PRKG1: variants seen among roughly 807,000 people sequenced by gnomAD.
PRKG1 encodes the protein protein kinase cGMP-dependent 1.
In PRKG1, 35 loss-of-function variants were observed where a neutral mutation model predicts 88.1. The observed-to-expected ratio is 0.40, with a 90% confidence interval of 0.30 to 0.53. The LOEUF is 0.53. Among genes scored for constraint, PRKG1 ranks in the 20% least tolerant of loss-of-function variants. The pLI is 0.59. For synonymous variants in PRKG1, 303 were observed against 292.5 expected, an observed-to-expected ratio of 1.04 and a Z score of -0.37; for missense variants, 540 against 839.8, an observed-to-expected ratio of 0.64 and a Z score of 4.41.
At chr10:51,183,665 T>C (rs1174421281) in intron 2 of PRKG1, among the ~76,000 whole-genome samples, 5 of 152,202 alleles carry the variant, frequency 3.3e-5, no homozygotes, top group African/African-American at 1.2e-4. Flanking sequence ...TGACATTCCA[T>C]TGCATTTCCA....
chr10:51,349,508 C>T (rs572108830), intron 2 of PRKG1, among the ~76,000 whole-genome samples: 1 of 139,852 alleles, frequency 7.2e-6, no homozygotes, highest in Non-Finnish European at 1.6e-5. Context: ...GTGTATGTGT[C>T]CTTTTTTTTT....
At chr10:51,685,679 A>G (rs1483519819) in intron 3 of PRKG1, among the ~76,000 whole-genome samples, 1 of 152,204 alleles carries the variant, frequency 6.6e-6, no homozygotes, top group Non-Finnish European at 1.5e-5. Context: ...AAAATAAAAG[A>G]CTAGACAAAA....
intron 3 of PRKG1, among the ~76,000 whole-genome samples, chr10:51,749,320 C>T (rs991330839): frequency 6.6e-6 from 1 of 152,148 alleles, no homozygotes; most frequent in African/African-American, 2.4e-5. Context: ...TATTTTCTTA[C>T]AGTTCTGAAG....
intron 8 of PRKG1, among the ~76,000 whole-genome samples, chr10:52,161,644 T>C (rs1311180875): frequency 6.6e-6 from 1 of 152,114 alleles, no homozygotes; most frequent in Non-Finnish European, 1.5e-5. Flanking sequence ...CCAGATATGG[T>C]TGCCAGATTT....
At chr10:51,444,378 C>T (rs1057267837) in intron 2 of PRKG1, among the ~76,000 whole-genome samples, 1 of 151,700 alleles carries the variant, frequency 6.6e-6, no homozygotes, top group Non-Finnish European at 1.5e-5. Context: ...AAGGTCAGAA[C>T]TTGAAGAAAA....
chr10:52,110,783 TGTCATA>T (rs1335553145), intron 7 of PRKG1, among the ~76,000 whole-genome samples: 1 of 152,210 alleles, frequency 6.6e-6, no homozygotes, highest in Non-Finnish European at 1.5e-5. Flanking sequence ...ATCATTCGTC[TGTCATA>T]GTCATAGCTG....
At chr10:52,127,982 ATAAT>A (rs1162149181) in intron 7 of PRKG1, 2 of 947,556 alleles carry the variant, frequency 2.1e-6, no homozygotes, top group Non-Finnish European at 2.5e-6. Context: ...ATTCTTGTTT[ATAAT>A]TAATTTATTT....
intron 16 of PRKG1, 115 bp downstream of exon 16, chr10:52,289,108 G>C (rs1842183629): frequency 1.0e-6 from 1 of 992,424 alleles, no homozygotes; most frequent in Non-Finnish European, 1.5e-6. Flanking sequence ...TCCAAAGACA[G>C]CGTATAAACT....
intron 7 of PRKG1, among the ~76,000 whole-genome samples, chr10:52,089,445 T>G (rs1016802053): frequency 2.0e-5 from 3 of 152,230 alleles, no homozygotes; most frequent in Non-Finnish European, 4.4e-5. Context: ...GTCATTAAGA[T>G]GTATCAAGTT....
intron 1 of PRKG1, among the ~76,000 whole-genome samples, chr10:51,083,894 A>G (rs1844180094): frequency 6.6e-6 from 1 of 152,150 alleles, no homozygotes; most frequent in Admixed American, 6.6e-5. Flanking sequence ...CTAGGAGCCT[A>G]TTTACATTTG....
chr10:52,028,983 A>T (rs750047962), intron 5 of PRKG1, among the ~76,000 whole-genome samples: 1 of 152,192 alleles, frequency 6.6e-6, no homozygotes, highest in Non-Finnish European at 1.5e-5. Context: ...AAGGATGGTG[A>T]TTTGAAACCA....
Position 51,417,149 on chromosome 10 carries a change from C to T in PRKG1, c.479-50574C>T, listed in dbSNP as rs937312860. ...CTTGTTTCTGTTTAATTATTATCAC[C>T]AACAAGAAACCAATATCAACTGACA... is the stretch of plus-strand genomic sequence containing the variant. On this transcript the variant is annotated intron_variant, in intron 2 of 17. Transcript: ENST00000373980. Among the ~76,000 whole-genome samples the T allele has an allele frequency of 5.4e-4, 82 of 152,060 alleles. 2 individuals carry two copies. Among genetic ancestry groups the T allele is most frequent in the Non-Finnish European group, 1.8e-4 (12 of 68,016 alleles).
intron 4 of PRKG1, among the ~76,000 whole-genome samples, chr10:51,904,667 T>A (rs1032463215): frequency 1.3e-5 from 2 of 152,154 alleles, no homozygotes; most frequent in African/African-American, 4.8e-5. Flanking sequence ...AGTCCAGAAG[T>A]GCTTCAGTTG....
upstream of PRKG1, among the ~76,000 whole-genome samples, chr10:51,072,260 TTA>T (rs1843843277): frequency 6.6e-6 from 1 of 152,156 alleles, no homozygotes; most frequent in Non-Finnish European, 1.5e-5. Context: ...TGAACCCAGC[TTA>T]GCAGTTGTCT....
At chr10:51,726,597 A>G (rs1842137201) in intron 3 of PRKG1, among the ~76,000 whole-genome samples, 1 of 152,216 alleles carries the variant, frequency 6.6e-6, no homozygotes, top group Non-Finnish European at 1.5e-5. Flanking sequence ...GGTGCACACA[A>G]TTGCCACTGT....
intron 2 of PRKG1, among the ~76,000 whole-genome samples, chr10:51,164,663 G>A (rs375356994): frequency 1.3e-5 from 2 of 152,056 alleles, no homozygotes; most frequent in African/African-American, 2.4e-5. Context: ...AAATTTAGAC[G>A]AATGTATAAC....
intron 9 of PRKG1, among the ~76,000 whole-genome samples, chr10:52,233,766 T>C (rs1840596677): frequency 6.6e-6 from 1 of 150,768 alleles, no homozygotes; most frequent in African/African-American, 2.4e-5. Flanking sequence ...CAGGCTTGCT[T>C]AGGTAAACAA....
intron 5 of PRKG1, among the ~76,000 whole-genome samples, chr10:51,996,676 CTGTT>C (rs926576629): frequency 3.3e-5 from 5 of 152,048 alleles, no homozygotes; most frequent in African/African-American, 1.2e-4. Flanking sequence ...CCCTTGGACA[CTGTT>C]TGTGAGAATG....
chr10:51,720,744 A>G (rs1307666763), intron 3 of PRKG1, among the ~76,000 whole-genome samples: 1 of 152,180 alleles, frequency 6.6e-6, no homozygotes, highest in African/African-American at 2.4e-5. Context: ...AAATTATAAT[A>G]TTTTAGAACA....
Sources: allele counts gnomAD v4.1 joint callset (sites outside exome capture counted in the v4.1 genomes callset), GRCh38; gene constraint gnomAD v4.1.1; transcripts MANE v1.5; gene names NCBI Gene and HGNC (gene_info 2026-07-23, HGNC 2026-07-21).